The following STK3 variants were observed in gnomAD, a reference collection of about 807,000 sequenced individuals.
STK3 encodes the protein serine/threonine kinase 3, also known as serine/threonine-protein kinase 3.
STK3 carries 41 observed loss-of-function variants against 58.0 expected under a neutral mutation model. The ratio of observed to expected loss-of-function variants is 0.71; its 90% CI spans 0.55 to 0.92. The LOEUF (loss-of-function observed/expected upper bound fraction) is 0.92, where lower values mean the gene tolerates loss of function less well. STK3 is among the 40% of genes least tolerant of loss of function. The pLI is 0.00. For missense variants in STK3, 479 were observed against 602.7 expected, an observed-to-expected ratio of 0.79 and a Z score of 2.15; for synonymous variants, 170 against 191.0, an observed-to-expected ratio of 0.89 and a Z score of 0.91.
At chr8:98,845,641 TA>T (rs1313696335) in intron 3 of STK3, among the ~76,000 whole-genome samples, 2 of 152,210 alleles carry the variant, frequency 1.3e-5, no homozygotes. Flanking sequence ...CTTCCTTTGT[TA>T]TTTTTACCTT....
At chr8:98,450,345 T>C (rs1050536330), downstream of STK3, among the ~76,000 whole-genome samples, 4 of 152,246 alleles carry the variant, frequency 2.6e-5, no homozygotes, top group African/African-American at 9.6e-5. Context: ...TGTTTTTTAA[T>C]TTAGTATTTA....
At chr8:98,904,878 T>C (rs1285059364) in intron 1 of STK3, 7 of 683,664 alleles carry the variant, frequency 1.0e-5, no homozygotes, top group Admixed American at 1.8e-5. Flanking sequence ...AGAGTTGAGG[T>C]GGCTGGTCAC....
At chr8:98,804,250 C>T (rs1005004782) in intron 1 of STK3, among the ~76,000 whole-genome samples, 2 of 152,258 alleles carry the variant, frequency 1.3e-5, no homozygotes, top group South Asian at 2.1e-4. Flanking sequence ...GATCCGCCCA[C>T]CTCGGCCTCC....
intron 8 of STK3, among the ~76,000 whole-genome samples, chr8:98,556,102 G>A (rs1312611013): frequency 1.3e-5 from 2 of 151,982 alleles, no homozygotes; most frequent in East Asian, 3.9e-4. Flanking sequence ...GTAGGGGACA[G>A]GGATTGGGAA....
At chr8:98,461,330 T>G (rs1819955051) in intron 10 of STK3, among the ~76,000 whole-genome samples, 2 of 152,218 alleles carry the variant, frequency 1.3e-5, no homozygotes, top group South Asian at 4.1e-4. Flanking sequence ...TACTTTCCAT[T>G]TGCATAGAAT....
At chr8:98,459,999 G>A (rs1819821124) in intron 10 of STK3, among the ~76,000 whole-genome samples, 1 of 152,228 alleles carries the variant, frequency 6.6e-6, no homozygotes, top group Admixed American at 6.5e-5. Context: ...CCCTAGTGGA[G>A]CTGTGAGAAG....
intron 3 of STK3, among the ~76,000 whole-genome samples, chr8:98,844,653 A>T (rs754013249): frequency 3.5e-4 from 53 of 151,982 alleles, no homozygotes; most frequent in Non-Finnish European, 6.9e-4. Context: ...TTTTGTAGAG[A>T]TGGGGTTTCA....
rs1317248961 is a variant in STK3, at chr8:98,800,964, G to A, written c.26+24551C>T. Reference sequence around the variant, plus strand: ...GTCCCATAAACCGCCCAAGGGCTGAGGAGTGCAGGCGCACAGTGCGGGACT... The same window carrying A: ...GTCCCATAAACCGCCCAAGGGCTGAAGAGTGCAGGCGCACAGTGCGGGACT... On this transcript the variant is annotated intron_variant, in intron 1 of 10. Transcript: ENST00000419617. The surrounding 1 kb of genome is among the most constrained non-coding windows in gnomAD (Gnocchi z 4.8). 6.6e-6 allele frequency among the ~76,000 whole-genome samples: 1 copy of A among 152,258 alleles called. No individual in the cohort carries two copies. Among genetic ancestry groups the A allele is most frequent in the Non-Finnish European group, 1.5e-5 (1 of 68,040 alleles).
chr8:98,796,133 A>G (rs1450505312), intron 1 of STK3, among the ~76,000 whole-genome samples: 1 of 152,202 alleles, frequency 6.6e-6, no homozygotes, highest in Non-Finnish European at 1.5e-5. Flanking sequence ...ACAAAACTAG[A>G]AAAAAACTAT....
At chr8:98,535,755 A>G (rs543396504) in intron 9 of STK3, among the ~76,000 whole-genome samples, 1 of 152,226 alleles carries the variant, frequency 6.6e-6, no homozygotes, top group African/African-American at 2.4e-5. Context: ...GAGTAGCAGC[A>G]TACACTGGGA....
chr8:98,344,892 C>CA, the STK3 span, among the ~76,000 whole-genome samples: 7,287 of 47,320 alleles, frequency 0.15, 1,403 homozygotes, highest in African/African-American at 0.24. Context: ...GACTCCGTCT[C>CA]AAAAAAAAAA....
chr8:98,348,161 GAC>G, the STK3 span, among the ~76,000 whole-genome samples: 1 of 152,156 alleles, frequency 6.6e-6, no homozygotes. Context: ...ATGAGGAAAA[GAC>G]AGTCTTTTCA....
intron 3 of STK3, among the ~76,000 whole-genome samples, chr8:98,422,251 A>G (rs1052836098): frequency 1.4e-4 from 21 of 152,180 alleles, no homozygotes; most frequent in African/African-American, 4.6e-4. Flanking sequence ...GAGGAATTGC[A>G]TTTGTAACGT....
intron 3 of STK3, among the ~76,000 whole-genome samples, chr8:98,867,862 A>G (rs992650745): frequency 1.3e-5 from 2 of 152,242 alleles, no homozygotes; most frequent in African/African-American, 4.8e-5. Context: ...TGCCAGGCCT[A>G]TAATAAGCCC....
intron 8 of STK3, among the ~76,000 whole-genome samples, chr8:98,557,798 A>G (rs1179238094): frequency 6.6e-6 from 1 of 152,112 alleles, no homozygotes; most frequent in East Asian, 1.9e-4. Flanking sequence ...GCAAACAGAA[A>G]CTTCATGGAT....
intron 1 of STK3, among the ~76,000 whole-genome samples, chr8:98,940,233 A>G (rs1451546686): frequency 6.6e-6 from 1 of 152,094 alleles, no homozygotes; most frequent in Non-Finnish European, 1.5e-5. Flanking sequence ...CCCCGGGACC[A>G]TCCTCACGCT....
intron 10 of STK3, among the ~76,000 whole-genome samples, chr8:98,490,106 C>T (rs1822572702): frequency 6.6e-6 from 1 of 152,146 alleles, no homozygotes; most frequent in South Asian, 2.1e-4. Flanking sequence ...AGTTTACTTG[C>T]TTAAACTTGA....
chr8:98,822,373 C>T (rs1398213079), intron 1 of STK3, among the ~76,000 whole-genome samples: 1 of 152,036 alleles, frequency 6.6e-6, no homozygotes, highest in East Asian at 1.9e-4. Flanking sequence ...TGCAGTGGCA[C>T]AATCATAGCT....
intron 1 of STK3, among the ~76,000 whole-genome samples, chr8:98,929,647 CATAA>C (rs941992781): frequency 2.6e-5 from 4 of 152,006 alleles, no homozygotes; most frequent in Non-Finnish European, 5.9e-5. Flanking sequence ...CAGACCCTGT[CATAA>C]ATAAATAAAT....
Sources: gnomAD v4.1 joint callset for allele counts (sites outside exome capture counted in the v4.1 genomes callset) on GRCh38, gnomAD v4.1.1 for gene constraint, Gnocchi (gnomAD v3.1) non-coding constraint, MANE v1.5 for transcripts, NCBI Gene and HGNC (gene_info 2026-07-23, HGNC 2026-07-21) for gene names.